Variants in RC3H2 observed in about 807,000 individuals in gnomAD.
RC3H2 encodes the protein roquin-2.
A neutral mutation model predicts 133.3 loss-of-function variants in RC3H2; 31 were observed. That is an observed-to-expected ratio of 0.23 (90% CI 0.17 to 0.31). RC3H2 has a LOEUF of 0.31. Among genes scored for constraint, RC3H2 ranks in the 10% least tolerant of loss-of-function variants. The probability of loss-of-function intolerance (pLI) is 1.00; values close to 1 mark genes in which losing one functional copy is unlikely to be tolerated. For missense variants in RC3H2, 1,175 were observed against 1,437.2 expected, an observed-to-expected ratio of 0.82 and a Z score of 2.95; for synonymous variants, 517 against 502.2, an observed-to-expected ratio of 1.03 and a Z score of -0.40.
At chr9:122,887,419 A>G (rs1316203345) in intron 4 of RC3H2, among the ~76,000 whole-genome samples, 1 of 152,040 alleles carries the variant, frequency 6.6e-6, no homozygotes, top group Non-Finnish European at 1.5e-5. Flanking sequence ...CTGGGGGTCA[A>G]CTGATCCTCC....
Position 122,858,026 on chromosome 9 carries a change from T to C in RC3H2, c.2351A>G (p.Gln784Arg), listed in dbSNP as rs377288600. Residue 784 changes from glutamine to arginine, a missense_variant, in exon 13 of 21, where the codon CAG becomes CGG. Transcript: ENST00000357244. Reference sequence around the variant, plus strand: ...AAGAGGTGCTTTCTGAGTGTGGTACTGTGCCCACTGATCTGGCTTTCTTCT... The same window carrying C: ...AAGAGGTGCTTTCTGAGTGTGGTACCGTGCCCACTGATCTGGCTTTCTTCT... ...QIRRKPDQWA[Q>R]YHTQKAPLVS... 2 of 1,614,088 alleles carry C rather than the reference T, an allele frequency of 1.2e-6. No homozygotes were observed. Among genetic ancestry groups the C allele is most frequent in the African/African-American group, 2.7e-5 (2 of 74,948 alleles).
intron 4 of RC3H2, among the ~76,000 whole-genome samples, chr9:122,888,671 C>T (rs1427568012): frequency 3.9e-5 from 6 of 152,146 alleles, no homozygotes; most frequent in Admixed American, 3.9e-4. Context: ...TCATTTCTTT[C>T]GACAGCTGCA....
chr9:122,901,936 T>C (rs1372363329), intron 1 of RC3H2, among the ~76,000 whole-genome samples: 1 of 150,044 alleles, frequency 6.7e-6, no homozygotes, highest in African/African-American at 2.4e-5. Context: ...TTCTTTTTTT[T>C]TTTTTTTTTT....
intron 10 of RC3H2, 45 bp from the exon 11 acceptor site, chr9:122,860,176 A>G: frequency 7.2e-7 from 1 of 1,387,910 alleles, no homozygotes; most frequent in Non-Finnish European, 1.0e-6. Flanking sequence ...ATCACTGTCT[A>G]TGACTGTCCT....
chr9:122,859,027 A>C lies in RC3H2; in HGVS notation c.1925T>G (p.Val642Gly). The change falls in exon 12 of 21, where the codon GTT becomes GGT. Residue 642 changes from valine to glycine, a missense_variant. By Grantham distance (109) the Val-to-Gly change is moderately radical. This residue lies in a region of RC3H2 where 490 missense variants were observed against 492.8 expected (regional missense o/e 0.99). Coordinates refer to ENST00000357244, the MANE Select transcript of RC3H2 (RefSeq NM_001100588.3). ...AGCAGGTGGGAGGGAGGACTCTGGA[A>C]CGTTATTGGACCTCACAAAGCGAGG... is the stretch of plus-strand genomic sequence containing the variant. ...CVPRFVRSNNVPESSLPPASM... is the reference protein window; with the variant it reads ...CVPRFVRSNNGPESSLPPASM... The C allele has an allele frequency of 6.2e-7, 1 of 1,612,876 alleles. No individual in the cohort carries two copies. The highest frequency in any genetic ancestry group is 1.1e-5 in the South Asian group (1 of 90,968).
rs1831274476 is a variant in RC3H2 at position 122,875,105 on chromosome 9, G to T, written c.1325+2366C>A. 17 of 1,383,204 alleles carry T rather than the reference G, an allele frequency of 1.2e-5. 2 individuals carry two copies. In the South Asian group the frequency reaches 3.3e-4, roughly 27 times the overall value. 85.7% of individuals were successfully genotyped at this position (1,383,204 alleles called of 1,614,324 possible). A position where few individuals can be genotyped will look rare whatever the true frequency, so the allele number is the denominator to read the frequency against. ...TTCCTGGAGTCTCCCAAATTATCTT[G>T]ATGTGAAATTCTGTATATAGAACTA... On this transcript the variant is annotated intron_variant, in intron 9 of 20. Transcript: ENST00000357244.
At position 122,858,712 on chromosome 9, in the gene RC3H2, C is replaced by T. The variant is rs776057339; in HGVS notation, c.2240G>A (p.Cys747Tyr). The T allele has an allele frequency of 9.9e-6, 16 of 1,612,992 alleles. No individual in the cohort carries two copies. Among genetic ancestry groups the T allele is most frequent in the Admixed American group, 3.3e-5 (2 of 60,012 alleles). Residue 747 changes from cysteine (C) to tyrosine (Y), a missense_variant, in exon 12 of 21, where the codon TGT becomes TAT. Coordinates refer to ENST00000357244, the MANE Select transcript of RC3H2 (RefSeq NM_001100588.3). ...NSLDGYYSVACQPPSEPRTTV... is the reference protein window; with the variant it reads ...NSLDGYYSVAYQPPSEPRTTV... ...TGTCCTTGGCTCACTTGGTGGCTGA[C>T]AAGCCACCGAATAATATCCATCTAA...
rs1030281873 is a variant in RC3H2, at chr9:122,848,732, C to T, written c.*895G>A. 2 of 152,116 alleles carry T rather than the reference C, an allele frequency of 1.3e-5. No homozygotes were observed. Among genetic ancestry groups the T allele is most frequent in the African/African-American group, 4.8e-5 (2 of 41,430 alleles). The allele number at this position is 152,116 out of a possible 1,614,324, so 9.4% of individuals were successfully genotyped here. ...GGTTTTCTCAAGAAAGCTGAAAGCA[C>T]CTGATTCTTTTGCCAAGTCATCAGA... is the stretch of plus-strand genomic sequence containing the variant. On this transcript the variant is annotated 3_prime_UTR_variant, in exon 21 of 21. Coordinates refer to ENST00000357244, the MANE Select transcript of RC3H2 (RefSeq NM_001100588.3).
In RC3H2 at chr9:122,880,634, T is replaced by C; in HGVS notation, c.920A>G (p.Asp307Gly). ...PEQWSSLLYG[D>G]LAHKSHMQSI... ...CTGCATGTGTGATTTATGAGCCAAA[T>C]CACCATACAAAAGAGAGGACCACTG... Residue 307 changes from aspartate to glycine, a missense_variant, in exon 6 of 21, where the codon GAT becomes GGT. Asp to Gly is a moderately conservative substitution (Grantham distance 94). Around this residue, in one of 8 missense-constraint regions of RC3H2, gnomAD observed 131 missense variants for 154.2 expected, o/e 0.85. Coordinates refer to ENST00000357244, the MANE Select transcript of RC3H2 (RefSeq NM_001100588.3). 6.2e-7 allele frequency: 1 copy of C among 1,614,090 alleles called. No individual in the cohort carries two copies. Among genetic ancestry groups the C allele is most frequent in the Non-Finnish European group, 8.5e-7 (1 of 1,179,996 alleles).
chr9:122,889,878 A>T (rs1163298350), intron 4 of RC3H2, among the ~76,000 whole-genome samples: 1 of 152,236 alleles, frequency 6.6e-6, no homozygotes, highest in Non-Finnish European at 1.5e-5. Context: ...GCAGTGGCTC[A>T]CGCCTGTAAT....
In RC3H2 at chr9:122,877,591, A is replaced by G; in HGVS notation, c.1213-8T>C. The stretch of plus-strand genomic sequence containing the variant: ...TTTGCTGTTTGGCTGAGGCTACAAA[A>G]ATGGGAACACATTCAATGAGTGGCA... On this transcript the variant is annotated splice_polypyrimidine_tract_variant and splice_region_variant and intron_variant, in intron 8 of 20. Coordinates refer to ENST00000357244, the MANE Select transcript of RC3H2 (RefSeq NM_001100588.3). 1 of 1,610,574 alleles carries G rather than the reference A, an allele frequency of 6.2e-7. No individual in the cohort carries two copies. Among genetic ancestry groups the G allele is most frequent in the Non-Finnish European group, 8.5e-7 (1 of 1,176,826 alleles).
intron 2 of RC3H2, among the ~76,000 whole-genome samples, chr9:122,895,332 T>G (rs1832373405): frequency 6.6e-6 from 1 of 152,108 alleles, no homozygotes; most frequent in Non-Finnish European, 1.5e-5. Context: ...CATGCCTGAC[T>G]AATTTTTTTA....
At chr9:122,879,239 C>G (rs1831488644) in intron 8 of RC3H2, among the ~76,000 whole-genome samples, 1 of 151,426 alleles carries the variant, frequency 6.6e-6, no homozygotes. Context: ...ACAAAAAATA[C>G]AAAAATTAGC....
At position 122,905,289 on chromosome 9, in the gene RC3H2, C is replaced by A; in HGVS notation, c.-247G>T. On this transcript the variant is annotated 5_prime_UTR_variant, in exon 1 of 21. In the 5' UTR this introduces an upstream ATG that the reference lacks. Transcript: ENST00000357244. ...GCGGCGGCGAAGGCCGCGACGGGGC[C>A]TCCTCCTCCTCCCTCCACCTCCGCC... 1.1e-5 allele frequency: 10 copies of A among 951,920 alleles called. No homozygotes were observed. Among genetic ancestry groups the A allele is most frequent in the Non-Finnish European group, 1.3e-5 (10 of 798,774 alleles). The allele number at this position is 951,920 out of a possible 1,614,324, so 59.0% of individuals were successfully genotyped here.
chr9:122,870,304 G>A (rs563034695), intron 9 of RC3H2, among the ~76,000 whole-genome samples: 71 of 151,986 alleles, frequency 4.7e-4, no homozygotes, highest in African/African-American at 1.7e-3. Context: ...GAGCCTGGGA[G>A]ACAGAGGTTG....
chr9:122,886,126 G>A (rs1033063345), intron 4 of RC3H2, among the ~76,000 whole-genome samples: 1 of 152,120 alleles, frequency 6.6e-6, no homozygotes. Flanking sequence ...CTGACCTCAA[G>A]TTATCCACCC....
intron 2 of RC3H2, 92 bp downstream of exon 2, chr9:122,897,187 C>G: frequency 1.8e-6 from 2 of 1,088,608 alleles, no homozygotes; most frequent in Non-Finnish European, 2.7e-6. Flanking sequence ...TCCTGGGCCA[C>G]ATGTAGCCTG....
intron 16 of RC3H2, 64 bp downstream of exon 16, chr9:122,854,467 T>C: frequency 7.6e-7 from 1 of 1,314,692 alleles, no homozygotes; most frequent in Non-Finnish European, 1.1e-6. Flanking sequence ...GGGTAGAATG[T>C]GTACCCTTAA....
At position 122,859,118 on chromosome 9, in the gene RC3H2, G is replaced by C; in HGVS notation, c.1850-16C>G. 7 of 1,521,354 alleles carry C rather than the reference G, an allele frequency of 4.6e-6. No homozygotes were observed. The highest frequency in any genetic ancestry group is 8.8e-7 in the Non-Finnish European group (1 of 1,134,098). 94.2% of individuals were successfully genotyped at this position (1,521,354 alleles called of 1,614,324 possible). A position where few individuals can be genotyped will look rare whatever the true frequency, so the allele number is the denominator to read the frequency against. On this transcript the variant is annotated splice_polypyrimidine_tract_variant and intron_variant, in intron 11 of 20. Transcript: ENST00000357244. ...GGATAGTATCCTTGAAAATTGGAAA[G>C]AGGAATATTTAATGTAATCTTAGTA...
Sources: allele counts gnomAD v4.1 joint callset (sites outside exome capture counted in the v4.1 genomes callset), GRCh38; gene constraint gnomAD v4.1.1; regional missense constraint gnomAD v4.1.1; transcripts MANE v1.5; gene names NCBI Gene and HGNC (gene_info 2026-07-23, HGNC 2026-07-21).